SLC4A9: variants seen among roughly 807,000 people sequenced by gnomAD.
SLC4A9 encodes the protein solute carrier family 4 member 9, also known as anion exchange protein 4.
SLC4A9 carries 102 observed loss-of-function variants against 103.2 expected under a neutral mutation model. The observed-to-expected ratio is 0.99, with a 90% CI of 0.84 to 1.17. SLC4A9 has a LOEUF of 1.17. Ranked by LOEUF, SLC4A9 falls within the 50% of genes most tolerant of loss-of-function variation. The pLI is 0.00. For synonymous variants in SLC4A9, 453 were observed against 483.6 expected (o/e 0.94, Z 0.83); for missense variants, 1,091 against 1,193.7 (o/e 0.91, Z 1.27).
At chr5:140,361,058 A>C in intron 2 of SLC4A9, 86 bp downstream of exon 2, 1 of 1,350,846 alleles carries the variant, frequency 7.4e-7, no homozygotes, top group Non-Finnish European at 1.0e-6. Context: ...AATCTTCCAG[A>C]GCCCATCCCT....
chr5:140,362,013 C>T lies in SLC4A9; in HGVS notation c.562-4C>T. 6.2e-7 allele frequency: 1 copy of T among 1,613,482 alleles called. No individual in the cohort carries two copies. The highest frequency in any genetic ancestry group is 8.5e-7 in the Non-Finnish European group (1 of 1,179,726). ...ATTCTGTGTCTCCTTGAACCCCCATCCAGTGTCAGAACCCCCTGAGACAGA... is the reference window on the plus strand; with the variant it reads ...ATTCTGTGTCTCCTTGAACCCCCATTCAGTGTCAGAACCCCCTGAGACAGA... On this transcript the variant is annotated splice_polypyrimidine_tract_variant and splice_region_variant and intron_variant, in intron 4 of 21. Transcript: ENST00000506757.
rs1255464466 is a variant in SLC4A9 at position 140,361,299 on chromosome 5, A to G, written c.437A>G (p.Gln146Arg). The stretch of plus-strand genomic sequence containing the variant: ...TCGCTGAGCCCAGAGCTGAGAGGGC[A>G]GTTGCAGGCCTTGCTGCTGCAGAGA... The part of the protein sequence containing the change: ...VESLSPELRG[Q>R]LQALLLQRPQ... Residue 146 changes from glutamine (Q) to arginine (R), a missense_variant, in exon 3 of 22, where the codon CAG (glutamine) becomes CGG (arginine). Physicochemically the swap from Gln to Arg is conservative, Grantham distance 43. Coordinates refer to ENST00000506757, the MANE Select transcript of SLC4A9 (RefSeq NM_031467.3). 3 of 1,572,356 alleles carry G rather than the reference A, an allele frequency of 1.9e-6. No individual in the cohort carries two copies. In the East Asian group the frequency reaches 7.1e-5, roughly 37 times the overall value.
chr5:140,371,737 C>A, intron 19 of SLC4A9, 113 bp downstream of exon 19: 1 of 1,250,216 alleles, frequency 8.0e-7, no homozygotes, highest in Non-Finnish European at 1.1e-6. Context: ...CTCGCTGTGG[C>A]TCTCCCTGGT....
chr5:140,362,274 G>T, intron 5 of SLC4A9, 100 bp downstream of exon 5: 6 of 1,346,750 alleles, frequency 4.5e-6, no homozygotes, highest in Non-Finnish European at 5.0e-6. Context: ...CTGAGGCTGT[G>T]GGGAGGATGG....
At position 140,364,045 on chromosome 5, in the gene SLC4A9, G is replaced by C; in HGVS notation, c.1255-9G>C. ...CAGGGTCCTGTGCTGAGCCCCTGTT[G>C]GCTTCCAGGGAGTGCTGGAAAGTTT... On this transcript the variant is annotated splice_polypyrimidine_tract_variant and intron_variant, in intron 9 of 21. Transcript: ENST00000506757. The C allele has an allele frequency of 2.6e-6, 4 of 1,527,014 alleles. No individual in the cohort carries two copies. The highest frequency in any genetic ancestry group is 3.5e-6 in the Non-Finnish European group (4 of 1,138,542). 94.6% of individuals were successfully genotyped at this position (1,527,014 alleles called of 1,614,324 possible).
chr5:140,368,537 T>C (rs1768233267), intron 16 of SLC4A9, 50 bp from the exon 17 acceptor site: 1 of 1,527,350 alleles, frequency 6.5e-7, no homozygotes, highest in Admixed American at 1.8e-5. Context: ...CCAGTCTGGA[T>C]ACCCCAGGGA....
chr5:140,361,091 C>T (rs1443142616), intron 2 of SLC4A9, 119 bp downstream of exon 2: 1 of 1,231,138 alleles, frequency 8.1e-7, no homozygotes, highest in Non-Finnish European at 1.1e-6. Context: ...ATTGTCTACC[C>T]TTGTCACAGG....
Position 140,366,195 on chromosome 5 carries a change from G to A in SLC4A9, c.1944G>A (p.Leu648=), listed in dbSNP as rs772366319. 4 of 1,611,554 alleles carry A rather than the reference G, an allele frequency of 2.5e-6. No homozygotes were observed. In the African/African-American group the frequency reaches 5.3e-5, roughly 22 times the overall value. The change falls in exon 14 of 22, where the codon CTG becomes CTA. Residue 648 remains leucine (L), a synonymous_variant. Coordinates refer to ENST00000506757, the MANE Select transcript of SLC4A9 (RefSeq NM_031467.3). ...ACTTCTCCTCAGTCCTGGCCATCCTGCTCGGCTGTGGCCTTGATGCTTTCC... is the reference window on the plus strand; with the variant it reads ...ACTTCTCCTCAGTCCTGGCCATCCTACTCGGCTGTGGCCTTGATGCTTTCC... ...LSDFSSVLAI[L]LGCGLDAFLG...
At chr5:140,365,657 C>T (rs1039568383) in intron 12 of SLC4A9, 79 bp downstream of exon 12, 2 of 1,513,930 alleles carry the variant, frequency 1.3e-6, no homozygotes, top group African/African-American at 2.7e-5. Flanking sequence ...CTCTTCCTAC[C>T]CATAGGTTAA....
In SLC4A9 at chr5:140,371,608, T is replaced by A. The variant is rs771715653; in HGVS notation, c.2654T>A (p.Ile885Asn). ...ATAATCAAGTCTACCCCTGCAGCCA[T>A]CATCTTCCCCCTCATGGTAAGCTGA... is the stretch of plus-strand genomic sequence containing the variant. ...LWIIKSTPAA[I>N]IFPLMLLGLV... Residue 885 changes from isoleucine (I) to asparagine (N), a missense_variant, in exon 19 of 22, where the codon ATC becomes AAC. Transcript: ENST00000506757. The A allele has an allele frequency of 1.9e-6, 3 of 1,614,032 alleles. No individual in the cohort carries two copies. Among genetic ancestry groups the A allele is most frequent in the Non-Finnish European group, 2.5e-6 (3 of 1,179,884 alleles).
In SLC4A9 at chr5:140,363,313, G is replaced by A; in HGVS notation, c.963-126G>A. 1 of 981,982 alleles carries A rather than the reference G, an allele frequency of 1.0e-6. No individual in the cohort carries two copies. Among genetic ancestry groups the A allele is most frequent in the Non-Finnish European group, 1.5e-6 (1 of 663,278 alleles). 60.8% of individuals were successfully genotyped at this position (981,982 alleles called of 1,614,324 possible). Reference sequence around the variant, plus strand: ...ACCTGGACCTTCTAGAGGCCCAGGTGTCGCCATGGTTCCCTCGCCGGCAGA... The same window carrying A: ...ACCTGGACCTTCTAGAGGCCCAGGTATCGCCATGGTTCCCTCGCCGGCAGA... On this transcript the variant is annotated intron_variant, in intron 7 of 21. Transcript: ENST00000506757. The surrounding 1 kb of genome is among the most constrained non-coding windows in gnomAD (Gnocchi z 4.5).
intron 11 of SLC4A9, among the ~76,000 whole-genome samples, 197 bp from the exon 12 acceptor site, chr5:140,365,323 A>C (rs180884389): frequency 3.9e-5 from 6 of 152,358 alleles, no homozygotes; most frequent in African/African-American, 1.4e-4. Flanking sequence ...CCAGGGATGC[A>C]GATGGGTAGA....
chr5:140,366,468 G>A (rs541840387), intron 14 of SLC4A9, among the ~76,000 whole-genome samples: 13 of 152,288 alleles, frequency 8.5e-5, no homozygotes, highest in East Asian at 7.7e-4. Flanking sequence ...GAGAATACAC[G>A]GTAGCTATTA....
intron 2 of SLC4A9, 137 bp downstream of exon 2, chr5:140,361,109 T>A: frequency 8.3e-7 from 1 of 1,199,258 alleles, no homozygotes; most frequent in East Asian, 2.6e-5. Context: ...AGGGTGGACA[T>A]GGAAAAGCAG....
intron 14 of SLC4A9, among the ~76,000 whole-genome samples, chr5:140,366,468 G>C (rs541840387): frequency 2.0e-5 from 3 of 152,170 alleles, no homozygotes; most frequent in Non-Finnish European, 2.9e-5. Context: ...GAGAATACAC[G>C]GTAGCTATTA....
chr5:140,365,819 C>T lies in SLC4A9; in HGVS notation c.1711-15C>T, dbSNP rs946162322. ...CCATTGCCTATAACTCCACTCCTGACCCTCCTGTGTACAGGACTTAGGCCT... is the reference window on the plus strand; with the variant it reads ...CCATTGCCTATAACTCCACTCCTGATCCTCCTGTGTACAGGACTTAGGCCT... On this transcript the variant is annotated splice_polypyrimidine_tract_variant and intron_variant, in intron 12 of 21. Transcript: ENST00000506757. 2 of 1,609,534 alleles carry T rather than the reference C, an allele frequency of 1.2e-6. No homozygotes were observed. The highest frequency in any genetic ancestry group is 1.3e-5 in the African/African-American group (1 of 74,842).
chr5:140,361,695 G>T, intron 3 of SLC4A9, 113 bp from the exon 4 acceptor site: 1 of 1,163,272 alleles, frequency 8.6e-7, no homozygotes, highest in Non-Finnish European at 1.3e-6. Flanking sequence ...TCAGAGTGGA[G>T]AAGGGTATAC....
At position 140,363,364 on chromosome 5, in the gene SLC4A9, G is replaced by A. The variant is rs560418684; in HGVS notation, c.963-75G>A. 51 of 1,353,932 alleles carry A rather than the reference G, an allele frequency of 3.8e-5. No homozygotes were observed. In the African/African-American group the frequency reaches 5.7e-4, roughly 15 times the overall value. The allele number at this position is 1,353,932 out of a possible 1,614,324, so 83.9% of individuals were successfully genotyped here. ...GACAAGAGCAGCCGCTAGGGGGCAG[G>A]GCGCCACGAGCTCTGGACCGAGTCG... On this transcript the variant is annotated intron_variant, in intron 7 of 21. Transcript: ENST00000506757. This position sits in a 1 kb window ranked among gnomAD's most constrained non-coding sequence, Gnocchi z 4.5.
At chr5:140,360,736 C>T in intron 1 of SLC4A9, 76 bp from the exon 2 acceptor site, 1 of 1,598,464 alleles carries the variant, frequency 6.3e-7, no homozygotes, top group Non-Finnish European at 8.5e-7. Context: ...CTTGCCTTCC[C>T]TAGCTCCTCT....
Sources: allele counts gnomAD v4.1 joint callset (sites outside exome capture counted in the v4.1 genomes callset), GRCh38; gene constraint gnomAD v4.1.1; non-coding constraint Gnocchi (gnomAD v3.1); transcripts MANE v1.5; gene names NCBI Gene and HGNC (gene_info 2026-07-23, HGNC 2026-07-21).